The following USP43 variants were observed in gnomAD, a reference collection of about 807,000 sequenced individuals.
USP43 encodes ubiquitin specific peptidase 43.
In USP43, 33 loss-of-function variants were observed where a neutral mutation model predicts 90.7. That is an observed-to-expected ratio of 0.36 (90% CI 0.28 to 0.49). The LOEUF is 0.49. Among genes scored for constraint, USP43 ranks in the 20% least tolerant of loss-of-function variants. USP43 has a pLI of 0.98. For synonymous variants in USP43, 598 were observed against 615.8 expected (o/e 0.97, Z 0.43); for missense variants, 1,274 against 1,476.4 (o/e 0.86, Z 2.25).
rs1238190430 is a variant in USP43, at chr17:9,701,260, G to A, written c.1662+15G>A. On this transcript the variant is annotated intron_variant, in intron 11 of 14. Coordinates refer to ENST00000285199, the MANE Select transcript of USP43 (RefSeq NM_153210.5). This position sits in a 1 kb window ranked among gnomAD's most constrained non-coding sequence, Gnocchi z 7.2. ...AGGAGGAGCAGGTCCCGCCCTGGGG[G>A]TCCATGCCCCGGCCGGGAAGGGGGC... The A allele has an allele frequency of 2.5e-6, 4 of 1,606,012 alleles. No homozygotes were observed. Among genetic ancestry groups the A allele is most frequent in the South Asian group, 1.1e-5 (1 of 89,658 alleles).
At chr17:9,668,019 A>G (rs1305554866) in intron 3 of USP43, among the ~76,000 whole-genome samples, 2 of 151,984 alleles carry the variant, frequency 1.3e-5, no homozygotes, top group African/African-American at 4.8e-5. Context: ...CTTCTTTGCA[A>G]TTTTTCTGTT....
chr17:9,712,256 G>C (rs1916246280), intron 14 of USP43, 124 bp downstream of exon 14: 3 of 1,204,958 alleles, frequency 2.5e-6, no homozygotes, highest in Non-Finnish European at 3.3e-6. Context: ...CGAGAGGTTT[G>C]TTCATCTCTT....
intron 2 of USP43, among the ~76,000 whole-genome samples, chr17:9,657,499 C>CAA (rs113467408): frequency 0.13 from 17,276 of 137,756 alleles, 1,146 homozygotes; most frequent in African/African-American, 0.2. Context: ...AACTCCGTCT[C>CAA]AAAAAAAAAA....
chr17:9,668,618 G>C (rs1913196157), intron 3 of USP43, among the ~76,000 whole-genome samples: 1 of 152,154 alleles, frequency 6.6e-6, no homozygotes, highest in Admixed American at 6.5e-5. Context: ...GATGACTGCG[G>C]GCTCTTCGTT....
chr17:9,726,975 T>A (rs1567687942), intron 14 of USP43, among the ~76,000 whole-genome samples: 1 of 152,086 alleles, frequency 6.6e-6, no homozygotes, highest in Admixed American at 6.5e-5. Context: ...TTTCTTTCTT[T>A]TTTTTTTTGG....
At position 9,693,133 on chromosome 17, in the gene USP43, G is replaced by A. The variant is rs201227639; in HGVS notation, c.1360G>A (p.Gly454Arg). 8.4e-4 allele frequency: 1,354 copies of A among 1,613,348 alleles called. 3 individuals are homozygous for A. The highest frequency in any genetic ancestry group is 2.8e-3 in the Middle Eastern group (17 of 6,062). The change falls in exon 9 of 15, where the codon GGG becomes AGG. Residue 454 changes from glycine to arginine, a missense_variant. Transcript: ENST00000285199. Reference sequence around the variant, plus strand: ...TCTGTTTTTGTCTTCGCAGAACCTGGGGTCTCTGTTCTCCATCCGTGTTGT... The same window carrying A: ...TCTGTTTTTGTCTTCGCAGAACCTGAGGTCTCTGTTCTCCATCCGTGTTGT... Reference protein sequence around the residue: ...MKSEAPVQNLGSLFSIRVVGL... With the variant: ...MKSEAPVQNLRSLFSIRVVGL...
Position 9,709,717 on chromosome 17 carries a change from AAAATAAATAAAAATAAAT to A in USP43, c.2012-222_2012-205del, listed in dbSNP as rs1484068086. Among the ~76,000 whole-genome samples the A allele has an allele frequency of 6.6e-6, 1 of 152,006 alleles. No individual in the cohort carries two copies. The highest frequency in any genetic ancestry group is 2.4e-5 in the African/African-American group (1 of 41,358). ...GGTGACAGAGCGAAACTCCGTCTCA[AAAATAAATAAAAATAAAT>A]AAATAAATAAAAATAATAACAGCAC... On this transcript the variant is annotated intron_variant, in intron 12 of 14. Coordinates refer to ENST00000285199, the MANE Select transcript of USP43 (RefSeq NM_153210.5). This position sits in a 1 kb window ranked among gnomAD's most constrained non-coding sequence, Gnocchi z 5.0.
chr17:9,729,132 G>C lies in USP43; in HGVS notation c.*142G>C. 1.4e-6 allele frequency: 1 copy of C among 716,086 alleles called. No homozygotes were observed. Among genetic ancestry groups the C allele is most frequent in the Non-Finnish European group, 2.0e-6 (1 of 491,066 alleles). The allele number at this position is 716,086 out of a possible 1,614,324, so 44.4% of individuals were successfully genotyped here. On this transcript the variant is annotated 3_prime_UTR_variant, in exon 15 of 15. Transcript: ENST00000285199. Reference sequence around the variant, plus strand: ...AAAATTTTTTTTTTTTTGTGGTGGGGGGTCTCCATATCTAGACTTCCAACA... The same window carrying C: ...AAAATTTTTTTTTTTTTGTGGTGGGCGGTCTCCATATCTAGACTTCCAACA...
intron 14 of USP43, among the ~76,000 whole-genome samples, chr17:9,727,005 C>T (rs1030383274): frequency 1.3e-5 from 2 of 151,672 alleles, no homozygotes; most frequent in Non-Finnish European, 2.9e-5. Context: ...CTTGCTCTGT[C>T]ACCCAGGCTG....
chr17:9,709,941 A>G lies in USP43; in HGVS notation c.2012-15A>G. The stretch of plus-strand genomic sequence containing the variant: ...GGGCTCCAATAACTCAGACTTGGGG[A>G]TGGGACCTTTGCAGCCTACTGCCGG... On this transcript the variant is annotated splice_polypyrimidine_tract_variant and intron_variant, in intron 12 of 14. Transcript: ENST00000285199. This position sits in a 1 kb window ranked among gnomAD's most constrained non-coding sequence, Gnocchi z 5.0. 1.4e-6 allele frequency: 2 copies of G among 1,412,024 alleles called. No homozygotes were observed. Among genetic ancestry groups the G allele is most frequent in the Non-Finnish European group, 1.9e-6 (2 of 1,074,308 alleles). The allele number at this position is 1,412,024 out of a possible 1,614,324, so 87.5% of individuals were successfully genotyped here.
chr17:9,704,040 C>T (rs1266237629), intron 12 of USP43, among the ~76,000 whole-genome samples: 1 of 152,146 alleles, frequency 6.6e-6, no homozygotes, highest in African/African-American at 2.4e-5. Context: ...TGAAAATCAG[C>T]AATGTTGCTC....
chr17:9,666,577 T>A, intron 2 of USP43, 71 bp from the exon 3 acceptor site: 1 of 1,288,380 alleles, frequency 7.8e-7, no homozygotes, highest in Non-Finnish European at 1.1e-6. Flanking sequence ...AAGCATGGGC[T>A]CGGTGGTCTG....
In USP43 at chr17:9,728,829, C is replaced by T. The variant is rs191605843; in HGVS notation, c.3211C>T (p.Arg1071Cys). The T allele has an allele frequency of 1.2e-3, 1,896 of 1,613,806 alleles. 4 individuals are homozygous for T. The highest frequency in any genetic ancestry group is 8.2e-3 in the Admixed American group (491 of 60,016). The stretch of plus-strand genomic sequence containing the variant: ...TGTCTGGTCAGCCCCCAGCTCTCTC[C>T]GCCTCCCTCGTAAAGCCAGCAGGGC... ...RDVWSAPSSL[R>C]LPRKASRAPR... is the part of the protein sequence containing the mutation. Residue 1071 changes from arginine to cysteine, a missense_variant, in exon 15 of 15, where the codon CGC becomes TGC. By Grantham distance (180) the Arg-to-Cys change is radical. Around this residue, in one of 6 missense-constraint regions of USP43, gnomAD observed 353 missense variants for 329.7 expected, o/e 1.07. Transcript: ENST00000285199. The surrounding 1 kb of genome is among the most constrained non-coding windows in gnomAD (Gnocchi z 6.2).
intron 14 of USP43, among the ~76,000 whole-genome samples, chr17:9,723,564 T>TC (rs1341638757): frequency 2.0e-5 from 1 of 50,484 alleles, no homozygotes; most frequent in African/African-American, 9.0e-5. Flanking sequence ...TCCCCTCCCC[T>TC]CCCTCCCTTT....
chr17:9,656,605 C>A, intron 2 of USP43, 71 bp downstream of exon 2: 2 of 1,495,992 alleles, frequency 1.3e-6, no homozygotes, highest in South Asian at 1.3e-5. Context: ...CTCAGCTCCT[C>A]AAAACTGAAT....
chr17:9,723,568 TCCC>T (rs1917090341), intron 14 of USP43, among the ~76,000 whole-genome samples: 1 of 66,276 alleles, frequency 1.5e-5, no homozygotes, highest in Non-Finnish European at 2.7e-5. Context: ...CTCCCCTCCC[TCCC>T]TTTTTTTTCT....
At chr17:9,697,991 C>A (rs1915375886) in intron 9 of USP43, among the ~76,000 whole-genome samples, 1 of 152,178 alleles carries the variant, frequency 6.6e-6, no homozygotes, top group Non-Finnish European at 1.5e-5. Flanking sequence ...TTCATCCTTG[C>A]CAATATCTGT....
intron 14 of USP43, among the ~76,000 whole-genome samples, chr17:9,725,320 G>T (rs921740174): frequency 6.6e-6 from 1 of 152,046 alleles, no homozygotes; most frequent in African/African-American, 2.4e-5. Flanking sequence ...TCTCGGGGTG[G>T]GGTGGGGCGG....
rs1917369365 is a variant in USP43, at chr17:9,728,110, A to G, written c.2492A>G (p.Glu831Gly). 6.2e-7 allele frequency: 1 copy of G among 1,613,792 alleles called. No individual in the cohort carries two copies. The highest frequency in any genetic ancestry group is 2.2e-5 in the East Asian group (1 of 44,852). The change falls in exon 15 of 15, where the codon GAG becomes GGG. Residue 831 changes from glutamate (E) to glycine (G), a missense_variant. Glu to Gly is a moderately conservative substitution (Grantham distance 98). This residue lies in a region of USP43 where 285 missense variants were observed against 349.6 expected (regional missense o/e 0.82). Transcript: ENST00000285199. The surrounding 1 kb of genome is among the most constrained non-coding windows in gnomAD (Gnocchi z 6.2). ...GAGAAACCACCAGGTGCCTCCGTCG[A>G]GTTGGTGGAGTACTTGGAATCCAGA... Reference protein sequence around the residue: ...SKEKPPGASVELVEYLESRRR... With the variant: ...SKEKPPGASVGLVEYLESRRR...
Sources: gnomAD v4.1 joint callset for allele counts (sites outside exome capture counted in the v4.1 genomes callset) on GRCh38, gnomAD v4.1.1 for gene constraint, gnomAD v4.1.1 regional missense constraint, Gnocchi (gnomAD v3.1) non-coding constraint, MANE v1.5 for transcripts, NCBI Gene and HGNC (gene_info 2026-07-23, HGNC 2026-07-21) for gene names.